SORCS3: variants seen among roughly 807,000 people sequenced by gnomAD.
SORCS3 encodes the protein VPS10 domain-containing receptor SorCS3.
In SORCS3, 57 loss-of-function variants were observed where a neutral mutation model predicts 146.3. The ratio of observed to expected loss-of-function variants is 0.39; its 90% CI spans 0.31 to 0.49. The LOEUF (loss-of-function observed/expected upper bound fraction) is 0.49, where lower values mean the gene tolerates loss of function less well. Ranked by LOEUF, SORCS3 falls within the 20% of genes least tolerant of loss-of-function variation. The pLI is 0.92. For synonymous variants in SORCS3, 653 were observed against 618.5 expected (o/e 1.06, Z -0.83); for missense variants, 1,341 against 1,575.5 (o/e 0.85, Z 2.52).
intron 3 of SORCS3, among the ~76,000 whole-genome samples, chr10:104,928,911 A>C (rs1322957046): frequency 6.6e-6 from 1 of 152,224 alleles, no homozygotes; most frequent in East Asian, 1.9e-4. Flanking sequence ...AACTCTGAGA[A>C]ATGGCTTGGG....
chr10:104,960,472 G>A (rs1404408259), intron 3 of SORCS3, among the ~76,000 whole-genome samples: 6 of 152,090 alleles, frequency 3.9e-5, no homozygotes, highest in African/African-American at 1.4e-4. Flanking sequence ...TGCTGGTGGG[G>A]ACCCTAAGCA....
chr10:104,872,588 A>T (rs796758697), intron 2 of SORCS3, among the ~76,000 whole-genome samples: 16 of 148,266 alleles, frequency 1.1e-4, no homozygotes, highest in African/African-American at 3.7e-4. Context: ...TTTTGCAAAC[A>T]TCCCAAGAAT....
chr10:104,846,848 A>C (rs1446200270), intron 2 of SORCS3, among the ~76,000 whole-genome samples: 1 of 152,198 alleles, frequency 6.6e-6, no homozygotes, highest in East Asian at 1.9e-4. Flanking sequence ...TGACTTGTTT[A>C]AAGGAACCAG....
intron 5 of SORCS3, among the ~76,000 whole-genome samples, chr10:105,052,002 A>G (rs1289187229): frequency 6.6e-6 from 1 of 152,118 alleles, no homozygotes; most frequent in African/African-American, 2.4e-5. Flanking sequence ...TAATGCTAAG[A>G]CTAAAATGCA....
intron 2 of SORCS3, among the ~76,000 whole-genome samples, chr10:104,854,097 C>T (rs929640104): frequency 2.0e-5 from 3 of 152,136 alleles, no homozygotes; most frequent in Non-Finnish European, 2.9e-5. Flanking sequence ...CAGTTTAGTT[C>T]GTGAACATTG....
intron 1 of SORCS3, among the ~76,000 whole-genome samples, chr10:104,731,571 C>T (rs181661168): frequency 1.6e-3 from 248 of 152,288 alleles, no homozygotes; most frequent in Middle Eastern, 3.4e-3. Context: ...TTTAGTCTAC[C>T]TTCCAGACTC....
At position 104,740,926 on chromosome 10, in the gene SORCS3, A is replaced by C. The variant is rs147698487; in HGVS notation, c.627+98972A>C. The stretch of plus-strand genomic sequence containing the variant: ...TTCTCATCTTGGAAATCTCAGTTTT[A>C]AAGAGTAAATTAAGGCCTTTCCTCT... On this transcript the variant is annotated intron_variant, in intron 1 of 26. Transcript: ENST00000369701. Among the ~76,000 whole-genome samples, 13 of 152,024 alleles carry C rather than the reference A, an allele frequency of 8.6e-5. No homozygotes were observed. The East Asian group carries it at 2.5e-3, about 29-fold the overall frequency.
At chr10:104,808,902 G>A (rs975608214) in intron 1 of SORCS3, among the ~76,000 whole-genome samples, 2 of 152,196 alleles carry the variant, frequency 1.3e-5, no homozygotes, top group Non-Finnish European at 2.9e-5. Context: ...ACTTGAAGAC[G>A]TGCTGGTGAT....
At chr10:104,890,067 A>G (rs921764241) in intron 2 of SORCS3, among the ~76,000 whole-genome samples, 1 of 151,852 alleles carries the variant, frequency 6.6e-6, no homozygotes, top group African/African-American at 2.4e-5. Flanking sequence ...GTTCCATTCC[A>G]TATATCTTTT....
intron 7 of SORCS3, among the ~76,000 whole-genome samples, chr10:105,111,397 G>C (rs2055858257): frequency 6.6e-6 from 1 of 152,138 alleles, no homozygotes; most frequent in African/African-American, 2.4e-5. Flanking sequence ...CCTGCTCTTA[G>C]CATAATTACT....
At chr10:104,716,026 G>A (rs2016472536) in intron 1 of SORCS3, among the ~76,000 whole-genome samples, 1 of 152,096 alleles carries the variant, frequency 6.6e-6, no homozygotes, top group Non-Finnish European at 1.5e-5. Context: ...CCACCTCAGA[G>A]CTCTTGCAGT....
chr10:104,964,677 C>T (rs917581865), intron 3 of SORCS3, among the ~76,000 whole-genome samples: 10 of 152,006 alleles, frequency 6.6e-5, no homozygotes, highest in Admixed American at 2.0e-4. Flanking sequence ...TCTCTAGTCT[C>T]GTGTCTTATT....
rs535034743 is a variant in SORCS3, at chr10:105,264,695, C to G, written c.*1321C>G. The G allele has an allele frequency of 2.6e-5, 4 of 152,758 alleles. No homozygotes were observed. Among genetic ancestry groups the G allele is most frequent in the African/African-American group, 9.6e-5 (4 of 41,580 alleles). The allele number at this position is 152,758 out of a possible 1,614,324, so 9.5% of individuals were successfully genotyped here. A position where few individuals can be genotyped will look rare whatever the true frequency, so the allele number is the denominator to read the frequency against. On this transcript the variant is annotated 3_prime_UTR_variant, in exon 27 of 27. Coordinates refer to ENST00000369701, the MANE Select transcript of SORCS3 (RefSeq NM_014978.3). Reference sequence around the variant, plus strand: ...AAGTCAAATGTCTGCCTTCAGTTCCCTTAAGGTAGTTCTTGCCTCTGGGGT... The same window carrying G: ...AAGTCAAATGTCTGCCTTCAGTTCCGTTAAGGTAGTTCTTGCCTCTGGGGT...
intron 7 of SORCS3, among the ~76,000 whole-genome samples, chr10:105,130,444 C>G (rs2056010539): frequency 6.6e-6 from 1 of 152,082 alleles, no homozygotes; most frequent in South Asian, 2.1e-4. Context: ...CTCTGCCATA[C>G]TAGCATTAAC....
At chr10:104,905,810 C>T (rs907567333) in intron 2 of SORCS3, among the ~76,000 whole-genome samples, 5 of 152,128 alleles carry the variant, frequency 3.3e-5, no homozygotes, top group African/African-American at 9.7e-5. Flanking sequence ...GGGAGGATGG[C>T]GGCAGAAGGA....
At chr10:104,871,421 T>C (rs1473563490) in intron 2 of SORCS3, among the ~76,000 whole-genome samples, 4 of 152,216 alleles carry the variant, frequency 2.6e-5, no homozygotes, top group Non-Finnish European at 5.9e-5. Context: ...CTTTTAAGAA[T>C]TCTGCTACTT....
chr10:105,136,202 C>A (rs551960727), intron 7 of SORCS3, among the ~76,000 whole-genome samples: 221 of 152,250 alleles, frequency 1.5e-3, no homozygotes, highest in Middle Eastern at 0.01. Flanking sequence ...GCTGGGAAGT[C>A]CATGACAAAG....
In SORCS3 at chr10:105,255,769, A is replaced by G. The variant is rs2056927830; in HGVS notation, c.3305A>G (p.Gln1102Arg). 1 of 1,613,926 alleles carries G rather than the reference A, an allele frequency of 6.2e-7. No individual in the cohort carries two copies. The highest frequency in any genetic ancestry group is 8.5e-7 in the Non-Finnish European group (1 of 1,179,938). Residue 1102 changes from glutamine to arginine, a missense_variant, in exon 24 of 27, where the codon CAA becomes CGA. Coordinates refer to ENST00000369701, the MANE Select transcript of SORCS3 (RefSeq NM_014978.3). ...CAGTTTGAGCTGAAGCCGGGGGTAC[A>G]AGTCATTGTGTATGTCACACAGCTG... ...LVQFELKPGV[Q>R]VIVYVTQLTL...
intron 5 of SORCS3, among the ~76,000 whole-genome samples, chr10:105,047,775 T>C (rs2055384224): frequency 6.6e-6 from 1 of 152,228 alleles, no homozygotes; most frequent in African/African-American, 2.4e-5. Flanking sequence ...TTACACACTA[T>C]GGGTTTCTAG....
Sources: gnomAD v4.1 joint callset for allele counts (sites outside exome capture counted in the v4.1 genomes callset) on GRCh38, gnomAD v4.1.1 for gene constraint, MANE v1.5 for transcripts, NCBI Gene and HGNC (gene_info 2026-07-23, HGNC 2026-07-21) for gene names.